DRC11: variants seen among roughly 807,000 people sequenced by gnomAD.
The protein encoded by DRC11 is dynein regulatory complex subunit 11.
chr2:236,356,052 C>A, the DRC11 span, among the ~76,000 whole-genome samples: 3 of 152,126 alleles, frequency 2.0e-5, no homozygotes, highest in African/African-American at 7.2e-5. Context: ...ATGCTGCAGA[C>A]CACTGTGGGC....
At chr2:236,400,012 C>T in the DRC11 span, among the ~76,000 whole-genome samples, 2 of 152,306 alleles carry the variant, frequency 1.3e-5, no homozygotes, top group East Asian at 1.9e-4. This position sits in a 1 kb window ranked among gnomAD's most constrained non-coding sequence, Gnocchi z 7.9. Flanking sequence ...CCACCACACC[C>T]GGCCTGGTCC....
At chr2:236,344,423 C>A in the DRC11 span, 1 of 638,108 alleles carries the variant, frequency 1.6e-6, no homozygotes, top group Non-Finnish European at 2.8e-6. Context: ...CAGACAGAGA[C>A]CACTACAGAG....
At chr2:236,326,792 T>TTG in the DRC11 span, among the ~76,000 whole-genome samples, 6,470 of 143,894 alleles carry the variant, frequency 0.045, 134 homozygotes, top group South Asian at 0.081. Flanking sequence ...TTCAGATTTG[T>TTG]TGTGTGTGTG....
chr2:236,344,541 A>C, the DRC11 span: 1 of 1,595,978 alleles, frequency 6.3e-7, no homozygotes. Flanking sequence ...AAAGTAAGGC[A>C]TGAGAAAGTC....
the DRC11 span, chr2:236,487,964 C>A: frequency 5.5e-6 from 8 of 1,467,700 alleles, no homozygotes; most frequent in Non-Finnish European, 6.3e-6. Context: ...GTATAAGGCA[C>A]CTTGTACCCC....
chr2:236,472,956 C>T, the DRC11 span, among the ~76,000 whole-genome samples: 75 of 152,270 alleles, frequency 4.9e-4, no homozygotes, highest in African/African-American at 1.6e-3. This position sits in a 1 kb window ranked among gnomAD's most constrained non-coding sequence, Gnocchi z 4.6. Flanking sequence ...CACTCGTTTC[C>T]AAGGTGCTGC....
At chr2:236,392,452 A>G in the DRC11 span, 6 of 606,198 alleles carry the variant, frequency 9.9e-6, no homozygotes, top group Admixed American at 1.6e-4. This position sits in a 1 kb window ranked among gnomAD's most constrained non-coding sequence, Gnocchi z 5.1. Flanking sequence ...AGTTATTGCA[A>G]TATAAACATA....
chr2:236,434,550 C>G, the DRC11 span, among the ~76,000 whole-genome samples: 1 of 152,020 alleles, frequency 6.6e-6, no homozygotes. The surrounding 1 kb of genome is among the most constrained non-coding windows in gnomAD (Gnocchi z 5.5). Flanking sequence ...AAAACTGAAT[C>G]GGAGTGTGGG....
At chr2:236,465,431 T>C in the DRC11 span, 4 of 1,273,170 alleles carry the variant, frequency 3.1e-6, no homozygotes, top group Admixed American at 7.5e-5. This position sits in a 1 kb window ranked among gnomAD's most constrained non-coding sequence, Gnocchi z 6.2. Flanking sequence ...AATATGCTTC[T>C]GTGCTTAAAA....
the DRC11 span, chr2:236,503,547 CCT>C: frequency 7.8e-7 from 1 of 1,279,878 alleles, no homozygotes; most frequent in Non-Finnish European, 1.1e-6. This position sits in a 1 kb window ranked among gnomAD's most constrained non-coding sequence, Gnocchi z 4.9. Context: ...CTGGGGAATC[CCT>C]GTCTGGGGGA....
chr2:236,359,572 T>C, the DRC11 span, among the ~76,000 whole-genome samples: 1 of 152,134 alleles, frequency 6.6e-6, no homozygotes, highest in South Asian at 2.1e-4. This position sits in a 1 kb window ranked among gnomAD's most constrained non-coding sequence, Gnocchi z 4.3. Context: ...CCTTCTGTTA[T>C]TTCACCTTCT....
At chr2:236,459,616 A>ATACATATATACGTATATAC in the DRC11 span, among the ~76,000 whole-genome samples, 1 of 130,874 alleles carries the variant, frequency 7.6e-6, no homozygotes, top group African/African-American at 2.8e-5. Flanking sequence ...TACGTATATA[A>ATACATATATACGTATATAC]GTATATACAT....
the DRC11 span, chr2:236,338,386 G>GA: frequency 6.4e-7 from 1 of 1,571,412 alleles, no homozygotes; most frequent in Admixed American, 1.9e-5. Context: ...GTTCATTCTG[G>GA]GAGAGAGAAA....
the DRC11 span, among the ~76,000 whole-genome samples, chr2:236,357,542 A>C: frequency 1.0e-4 from 13 of 127,132 alleles, no homozygotes; most frequent in Admixed American, 6.7e-4. Context: ...AATATAATTT[A>C]TATATTATTA....
At chr2:236,421,237 CA>C in the DRC11 span, among the ~76,000 whole-genome samples, 1 of 151,940 alleles carries the variant, frequency 6.6e-6, no homozygotes, top group Admixed American at 6.6e-5. Flanking sequence ...AATAGAGACA[CA>C]AAAAACCCTT....
chr2:236,324,891 G>T, the DRC11 span: 1 of 768,392 alleles, frequency 1.3e-6, no homozygotes, highest in Non-Finnish European at 2.2e-6. This position sits in a 1 kb window ranked among gnomAD's most constrained non-coding sequence, Gnocchi z 5.7. Flanking sequence ...AGCAGCCATT[G>T]TACTTTGGGC....
the DRC11 span, among the ~76,000 whole-genome samples, chr2:236,420,294 T>C: frequency 6.6e-6 from 1 of 152,158 alleles, no homozygotes; most frequent in African/African-American, 2.4e-5. This position sits in a 1 kb window ranked among gnomAD's most constrained non-coding sequence, Gnocchi z 4.8. Context: ...CCAGGATGAA[T>C]TTCATAATGT....
At chr2:236,505,847 CACAA>C in the DRC11 span, among the ~76,000 whole-genome samples, 7 of 152,332 alleles carry the variant, frequency 4.6e-5, no homozygotes, top group South Asian at 1.5e-3. Flanking sequence ...CCCTTCCACA[CACAA>C]ACATTCTATT....
chr2:236,481,612 C>T, the DRC11 span, among the ~76,000 whole-genome samples: 1 of 151,886 alleles, frequency 6.6e-6, no homozygotes, highest in Non-Finnish European at 1.5e-5. Context: ...GCTGCTTTTA[C>T]TTTTAAATGT....
Sources: gnomAD v4.1 joint callset for allele counts (sites outside exome capture counted in the v4.1 genomes callset) on GRCh38, gnomAD v4.1.1 for gene constraint, Gnocchi (gnomAD v3.1) non-coding constraint, MANE v1.5 for transcripts, NCBI Gene and HGNC (gene_info 2026-07-23, HGNC 2026-07-21) for gene names.